RSPO3: variants seen among roughly 807,000 people sequenced by gnomAD.
RSPO3 encodes the protein R-spondin-3.
RSPO3 carries 17 observed loss-of-function variants against 36.5 expected under a neutral mutation model. That is an observed-to-expected ratio of 0.47 (90% CI 0.32 to 0.70). The LOEUF (loss-of-function observed/expected upper bound fraction) is 0.70. Ranked by LOEUF, RSPO3 falls within the 30% of genes least tolerant of loss-of-function variation. The pLI is 0.04. For synonymous variants in RSPO3, 108 were observed against 107.0 expected, an observed-to-expected ratio of 1.01 and a Z score of -0.06; for missense variants, 294 against 322.5, an observed-to-expected ratio of 0.91 and a Z score of 0.68.
In RSPO3 at chr6:127,150,570, T is replaced by C. The variant is rs773921959; in HGVS notation, c.434T>C (p.Ile145Thr). 1 of 1,606,416 alleles carries C rather than the reference T, an allele frequency of 6.2e-7. No individual in the cohort carries two copies. Among genetic ancestry groups the C allele is most frequent in the South Asian group, 1.1e-5 (1 of 89,606 alleles). The change falls in exon 3 of 5, where the codon ATT becomes ACT. Residue 145 changes from isoleucine (I) to threonine (T), a missense_variant and splice_region_variant. Transcript: ENST00000356698. ...AACCATACTATGGAGTGTGTCAGTA[T>C]TGGTAAGGAGAACCTGTAATAATTT... ...ANNHTMECVS[I>T]VHCEVSEWNP...
At chr6:127,125,944 G>C (rs1773931203) in intron 1 of RSPO3, among the ~76,000 whole-genome samples, 1 of 152,056 alleles carries the variant, frequency 6.6e-6, no homozygotes, top group South Asian at 2.1e-4. Flanking sequence ...AAGAAAATAA[G>C]GCCCTAGGCT....
At chr6:127,145,637 T>C (rs992461780) in intron 1 of RSPO3, among the ~76,000 whole-genome samples, 2 of 152,148 alleles carry the variant, frequency 1.3e-5, no homozygotes, top group Non-Finnish European at 2.9e-5. Flanking sequence ...TAGCCAAACA[T>C]GGCCACTTAC....
chr6:127,152,968 C>G (rs754938019), intron 3 of RSPO3, among the ~76,000 whole-genome samples: 5 of 152,066 alleles, frequency 3.3e-5, no homozygotes, highest in Admixed American at 1.3e-4. Flanking sequence ...AACCATGCAA[C>G]TAGTCAACAA....
chr6:127,197,766 A>G lies in RSPO3; in HGVS notation c.*1759A>G. 2.5e-6 allele frequency: 1 copy of G among 405,132 alleles called. No homozygotes were observed. The highest frequency in any genetic ancestry group is 4.0e-5 in the East Asian group (1 of 24,974). The allele number at this position is 405,132 out of a possible 1,614,324, so 25.1% of individuals were successfully genotyped here. A position where few individuals can be genotyped will look rare whatever the true frequency, so the allele number is the denominator to read the frequency against. On this transcript the variant is annotated 3_prime_UTR_variant, in exon 5 of 5. Coordinates refer to ENST00000356698, the MANE Select transcript of RSPO3 (RefSeq NM_032784.5). Reference sequence around the variant, plus strand: ...AAGATATAAACATTTTAAATGATTTATTCCTGTTTCTTATTCTGGTGTTTC... The same window carrying G: ...AAGATATAAACATTTTAAATGATTTGTTCCTGTTTCTTATTCTGGTGTTTC...
intron 4 of RSPO3, among the ~76,000 whole-genome samples, chr6:127,193,277 C>G (rs1775448875): frequency 6.6e-6 from 1 of 152,114 alleles, no homozygotes; most frequent in Admixed American, 6.6e-5. Context: ...TATCAGTTTG[C>G]TAATAAGCAG....
chr6:127,119,124 T>A lies in RSPO3; in HGVS notation c.-69T>A. ...ATACGCCTAACACCTACATATATTT[T>A]AAAAACATTAAATATAATTAACAAT... On this transcript the variant is annotated 5_prime_UTR_variant, in exon 1 of 5. Coordinates refer to ENST00000356698, the MANE Select transcript of RSPO3 (RefSeq NM_032784.5). The A allele has an allele frequency of 7.9e-7, 1 of 1,260,576 alleles. No individual in the cohort carries two copies. The highest frequency in any genetic ancestry group is 1.1e-6 in the Non-Finnish European group (1 of 873,428). 78.1% of individuals were successfully genotyped at this position (1,260,576 alleles called of 1,614,324 possible).
chr6:127,188,259 C>A (rs989335927), intron 4 of RSPO3, among the ~76,000 whole-genome samples: 1 of 152,140 alleles, frequency 6.6e-6, no homozygotes, highest in Admixed American at 6.5e-5. Context: ...TGGCAATGGT[C>A]CATTTGTAAG....
chr6:127,147,914 C>G lies in RSPO3; in HGVS notation c.98-734C>G, dbSNP rs112512024. Among the ~76,000 whole-genome samples, 249 of 152,162 alleles carry G rather than the reference C, an allele frequency of 1.6e-3. 1 individual carries two copies. Among genetic ancestry groups the G allele is most frequent in the African/African-American group, 5.4e-3 (223 of 41,532 alleles). Reference sequence around the variant, plus strand: ...ATTACCATAAGTAGTCATATATGATCCACATGGAAACACTGGTGAGATAAG... The same window carrying G: ...ATTACCATAAGTAGTCATATATGATGCACATGGAAACACTGGTGAGATAAG... On this transcript the variant is annotated intron_variant, in intron 1 of 4. Transcript: ENST00000356698.
chr6:127,154,067 A>C (rs1331956496), intron 3 of RSPO3, among the ~76,000 whole-genome samples: 1 of 152,180 alleles, frequency 6.6e-6, no homozygotes. Context: ...GCACTCAGGG[A>C]CCTGAAAGTG....
chr6:127,193,603 C>A (rs988160034), intron 4 of RSPO3, among the ~76,000 whole-genome samples: 1 of 152,286 alleles, frequency 6.6e-6, no homozygotes, highest in Middle Eastern at 3.4e-3. Flanking sequence ...GTAATCCAAC[C>A]TTTGCAGCCA....
intron 4 of RSPO3, among the ~76,000 whole-genome samples, chr6:127,191,286 A>G (rs943434744): frequency 6.6e-6 from 1 of 152,144 alleles, no homozygotes; most frequent in Admixed American, 6.5e-5. Context: ...ATTTGAAGAA[A>G]TTGGGTCTTC....
chr6:127,121,442 T>C (rs1353403413), intron 1 of RSPO3, among the ~76,000 whole-genome samples: 1 of 152,180 alleles, frequency 6.6e-6, no homozygotes, highest in Non-Finnish European at 1.5e-5. Context: ...GAAGGAATAG[T>C]GGAACTGGGT....
intron 4 of RSPO3, among the ~76,000 whole-genome samples, chr6:127,195,018 TC>T (rs1775485835): frequency 6.6e-6 from 1 of 152,216 alleles, no homozygotes; most frequent in African/African-American, 2.4e-5. Flanking sequence ...ATCTTGTTAT[TC>T]ATCCTTATTA....
intron 4 of RSPO3, among the ~76,000 whole-genome samples, chr6:127,170,487 A>G (rs1774914432): frequency 6.6e-6 from 1 of 151,568 alleles, no homozygotes; most frequent in African/African-American, 2.4e-5. Context: ...ATACATATAT[A>G]TATAATTACC....
At chr6:127,119,430 G>A (rs555941861) in intron 1 of RSPO3, 141 bp downstream of exon 1, 1 of 663,846 alleles carries the variant, frequency 1.5e-6, no homozygotes, top group Middle Eastern at 4.0e-4. Context: ...TCGGGCTTTG[G>A]GGGTATGGAC....
intron 1 of RSPO3, among the ~76,000 whole-genome samples, chr6:127,143,797 TA>T (rs1774326502): frequency 6.6e-6 from 1 of 152,238 alleles, no homozygotes; most frequent in Non-Finnish European, 1.5e-5. Flanking sequence ...AGCTTGCATT[TA>T]AATTGTCACA....
At chr6:127,143,033 A>G (rs1280349471) in intron 1 of RSPO3, among the ~76,000 whole-genome samples, 3 of 150,738 alleles carry the variant, frequency 2.0e-5, no homozygotes, top group Non-Finnish European at 4.4e-5. Context: ...TGCCCAGGCT[A>G]GTCTCAAACT....
At chr6:127,180,169 G>C (rs1043190912) in intron 4 of RSPO3, among the ~76,000 whole-genome samples, 1 of 151,786 alleles carries the variant, frequency 6.6e-6, no homozygotes, top group Admixed American at 6.6e-5. Flanking sequence ...GAATTTTCCA[G>C]CTAAAGAGAA....
intron 1 of RSPO3, among the ~76,000 whole-genome samples, chr6:127,130,179 G>A (rs1481439233): frequency 6.6e-6 from 1 of 152,080 alleles, no homozygotes; most frequent in Admixed American, 6.6e-5. Context: ...AAATACTCAA[G>A]TAGCACAAAA....
Sources: allele counts gnomAD v4.1 joint callset (sites outside exome capture counted in the v4.1 genomes callset), GRCh38; gene constraint gnomAD v4.1.1; transcripts MANE v1.5; gene names NCBI Gene and HGNC (gene_info 2026-07-23, HGNC 2026-07-21).